The following CLEC6A variants were observed in gnomAD, a reference collection of about 807,000 sequenced individuals.
CLEC6A encodes C-type lectin domain family 6 member A.
CLEC6A carries 22 observed loss-of-function variants against 25.7 expected under a neutral mutation model. That is an observed-to-expected ratio of 0.85 (90% CI 0.61 to 1.22). CLEC6A has a LOEUF of 1.22. Ranked by LOEUF, CLEC6A falls within the 50% of genes most tolerant of loss-of-function variation. The pLI is 0.00. For synonymous variants in CLEC6A, 92 were observed against 76.7 expected (o/e 1.20, Z -1.04); for missense variants, 240 against 236.8 (o/e 1.01, Z -0.09).
chr12:8,472,622 C>A (rs1019727642), intron 4 of CLEC6A, among the ~76,000 whole-genome samples: 2 of 152,128 alleles, frequency 1.3e-5, no homozygotes, highest in African/African-American at 4.8e-5. Context: ...AAACTTTTAA[C>A]TATTTTCTGA....
chr12:8,460,222 C>T (rs778977829), intron 3 of CLEC6A, among the ~76,000 whole-genome samples: 6 of 152,310 alleles, frequency 3.9e-5, no homozygotes, highest in Admixed American at 2.6e-4. Context: ...CTGGTAAAGA[C>T]ATACCCGAGA....
chr12:8,457,065 G>A (rs936621804), intron 1 of CLEC6A, among the ~76,000 whole-genome samples: 2 of 151,614 alleles, frequency 1.3e-5, no homozygotes, highest in African/African-American at 4.9e-5. Context: ...TGCCAAGATT[G>A]CCTCATTGTG....
chr12:8,462,884 G>A (rs1007927608), intron 3 of CLEC6A, among the ~76,000 whole-genome samples: 4 of 152,086 alleles, frequency 2.6e-5, no homozygotes, highest in Admixed American at 2.0e-4. Flanking sequence ...GTGTGGAGGG[G>A]CAACCCACCC....
rs1226514294 is a variant in CLEC6A at position 8,457,947 on chromosome 12, C to T, written c.81C>T (p.Ser27=). Reference sequence around the variant, plus strand: ...GACTCTGGTCTGTGGCTGGGATTTCCATTGCACTCCTCAGTGCTTGCTTCA... The same window carrying T: ...GACTCTGGTCTGTGGCTGGGATTTCTATTGCACTCCTCAGTGCTTGCTTCA... The part of the protein sequence containing the change: ...SLRLWSVAGI[S]IALLSACFIV... Residue 27 remains serine (S), a synonymous_variant, in exon 2 of 6, where the codon TCC becomes TCT. Coordinates refer to ENST00000382073, the MANE Select transcript of CLEC6A (RefSeq NM_001007033.2). 1.9e-6 allele frequency: 3 copies of T among 1,613,872 alleles called. No homozygotes were observed. Among genetic ancestry groups the T allele is most frequent in the Non-Finnish European group, 2.5e-6 (3 of 1,179,904 alleles).
chr12:8,465,371 G>A (rs74475938), intron 3 of CLEC6A, 113 bp from the exon 4 acceptor site: 1 of 1,014,840 alleles, frequency 9.9e-7, no homozygotes, highest in South Asian at 1.8e-5. Flanking sequence ...CTATAATTCA[G>A]GAAACAGTAA....
In CLEC6A at chr12:8,456,148, T is replaced by C; in HGVS notation, c.31+6T>C. On this transcript the variant is annotated splice_donor_region_variant and intron_variant, in intron 1 of 5. Transcript: ENST00000382073. ...GCAGCAACCTCAAAGTACAGGTGAG[T>C]ATTTCCTCAGTTTCAGAGGAAAGTG... 2 of 1,613,484 alleles carry C rather than the reference T, an allele frequency of 1.2e-6. No individual in the cohort carries two copies. The highest frequency in any genetic ancestry group is 1.7e-6 in the Non-Finnish European group (2 of 1,179,608).
intron 3 of CLEC6A, among the ~76,000 whole-genome samples, chr12:8,465,240 T>C (rs1279103852): frequency 2.0e-5 from 1 of 50,822 alleles, no homozygotes; most frequent in Non-Finnish European, 3.9e-5. Context: ...AACTCAATAG[T>C]GACTTTTTTT....
At chr12:8,475,471 G>A (rs753939776) in intron 4 of CLEC6A, among the ~76,000 whole-genome samples, 7 of 151,976 alleles carry the variant, frequency 4.6e-5, no homozygotes, top group Non-Finnish European at 2.9e-5. Context: ...CTGGAAGTAG[G>A]AGACCTAGAA....
chr12:8,470,495 A>T (rs777458522), intron 4 of CLEC6A, among the ~76,000 whole-genome samples: 2 of 152,302 alleles, frequency 1.3e-5, no homozygotes, highest in African/African-American at 4.8e-5. Context: ...TGTTTATAGC[A>T]GCACAATTCA....
chr12:8,477,231 C>G, intron 5 of CLEC6A, 89 bp from the exon 6 acceptor site: 1 of 999,432 alleles, frequency 1.0e-6, no homozygotes, highest in South Asian at 1.8e-5. Flanking sequence ...CTTCCTAAAT[C>G]CCACTTTGTT....
At chr12:8,458,804 T>G (rs1384280435) in intron 2 of CLEC6A, among the ~76,000 whole-genome samples, 1 of 152,144 alleles carries the variant, frequency 6.6e-6, no homozygotes, top group Non-Finnish European at 1.5e-5. Context: ...TCTCAAAACA[T>G]GAACTAAGAG....
rs77545239 is a variant in CLEC6A, at chr12:8,467,104, A to G, written c.369+1475A>G. The stretch of plus-strand genomic sequence containing the variant: ...ATATTCTTGATATTAACCCCTTACC[A>G]GATATATGGTTTGCAAGTATTTTCT... On this transcript the variant is annotated intron_variant, in intron 4 of 5. Transcript: ENST00000382073. 1.7e-4 allele frequency among the ~76,000 whole-genome samples: 26 copies of G among 152,268 alleles called. No homozygotes were observed. In the East Asian group the frequency reaches 4.4e-3, roughly 26 times the overall value.
chr12:8,477,549 G>A lies in CLEC6A; in HGVS notation c.*85G>A. 1.9e-6 allele frequency: 2 copies of A among 1,050,118 alleles called. No homozygotes were observed. The highest frequency in any genetic ancestry group is 3.4e-5 in the South Asian group (2 of 58,736). 65.1% of individuals were successfully genotyped at this position (1,050,118 alleles called of 1,614,324 possible). On this transcript the variant is annotated 3_prime_UTR_variant, in exon 6 of 6. Transcript: ENST00000382073. Reference sequence around the variant, plus strand: ...TTAAAATTGAACCCTATCATGAAATGATAATTTCTTCCTGAATTTACACAT... The same window carrying A: ...TTAAAATTGAACCCTATCATGAAATAATAATTTCTTCCTGAATTTACACAT...
chr12:8,458,572 A>T (rs1403124794), intron 2 of CLEC6A, among the ~76,000 whole-genome samples: 1 of 152,144 alleles, frequency 6.6e-6, no homozygotes, highest in Non-Finnish European at 1.5e-5. Context: ...TAAGGTGATT[A>T]AAAATGGGTA....
intron 4 of CLEC6A, among the ~76,000 whole-genome samples, chr12:8,467,481 T>C (rs1044215419): frequency 3.3e-5 from 5 of 152,186 alleles, no homozygotes; most frequent in African/African-American, 1.2e-4. Context: ...TGGCACCTTG[T>C]TGGAGACTAT....
chr12:8,466,459 TC>T (rs1305675805), intron 4 of CLEC6A, among the ~76,000 whole-genome samples: 1 of 152,190 alleles, frequency 6.6e-6, no homozygotes, highest in African/African-American at 2.4e-5. Context: ...TGAGGAACCT[TC>T]ATACTGTTTT....
chr12:8,461,001 AT>A, intron 3 of CLEC6A: 2 of 1,380,006 alleles, frequency 1.4e-6, no homozygotes, highest in East Asian at 4.6e-5. Flanking sequence ...CCACATAAAA[AT>A]TTTTGGGGGT....
chr12:8,469,234 G>T (rs1407656836), intron 4 of CLEC6A, among the ~76,000 whole-genome samples: 1 of 152,246 alleles, frequency 6.6e-6, no homozygotes, highest in South Asian at 2.1e-4. Flanking sequence ...CCAAGGAGGT[G>T]AAAGACCTCT....
At chr12:8,462,183 T>C (rs950221174) in intron 3 of CLEC6A, among the ~76,000 whole-genome samples, 2 of 151,162 alleles carry the variant, frequency 1.3e-5, no homozygotes, top group African/African-American at 2.4e-5. Flanking sequence ...TTAAGAGTCA[T>C]CACCACTCCC....
Sources: allele counts gnomAD v4.1 joint callset (sites outside exome capture counted in the v4.1 genomes callset), GRCh38; gene constraint gnomAD v4.1.1; transcripts MANE v1.5; gene names NCBI Gene and HGNC (gene_info 2026-07-23, HGNC 2026-07-21).